PANK3: variants seen among roughly 807,000 people sequenced by gnomAD.
The protein encoded by PANK3 is pantothenate kinase 3.
PANK3 carries 20 observed loss-of-function variants against 39.4 expected under a neutral mutation model. The ratio of observed to expected loss-of-function variants is 0.51; its 90% CI spans 0.36 to 0.74. PANK3 has a LOEUF of 0.74. Among genes scored for constraint, PANK3 ranks in the 30% least tolerant of loss-of-function variants. PANK3 has a pLI of 0.00. For synonymous variants in PANK3, 140 were observed against 157.3 expected (o/e 0.89, Z 0.82); for missense variants, 265 against 437.0 (o/e 0.61, Z 3.51).
intron 1 of PANK3, among the ~76,000 whole-genome samples, chr5:168,577,001 C>T (rs1043516708): frequency 1.3e-5 from 2 of 151,968 alleles, no homozygotes; most frequent in African/African-American, 4.8e-5. Context: ...TGCCTCAAGC[C>T]TCCCGAACAG....
intron 2 of PANK3, 119 bp downstream of exon 2, chr5:168,568,527 C>T: frequency 6.3e-6 from 5 of 793,640 alleles, no homozygotes; most frequent in Non-Finnish European, 9.9e-6. Context: ...TGAAAGGCAA[C>T]CATGGATACA....
At chr5:168,574,869 A>G (rs184521406) in intron 1 of PANK3, among the ~76,000 whole-genome samples, 42 of 152,218 alleles carry the variant, frequency 2.8e-4, no homozygotes, top group Admixed American at 1.8e-3. Flanking sequence ...CTCAAAAAAA[A>G]AGAGAAAAAT....
rs1295924298 is a variant in PANK3 at position 168,555,062 on chromosome 5, T to C, written c.*2509A>G. ...AAATCATAATGAAGGCTGCCAAAGATTATAATTTTTTATTAAGATCTCGAG... is the reference window on the plus strand; with the variant it reads ...AAATCATAATGAAGGCTGCCAAAGACTATAATTTTTTATTAAGATCTCGAG... On this transcript the variant is annotated 3_prime_UTR_variant, in exon 7 of 7. Coordinates refer to ENST00000239231, the MANE Select transcript of PANK3 (RefSeq NM_024594.4). 2 of 152,234 alleles carry C rather than the reference T, an allele frequency of 1.3e-5. No homozygotes were observed. Among genetic ancestry groups the C allele is most frequent in the Non-Finnish European group, 2.9e-5 (2 of 68,044 alleles). The allele number at this position is 152,234 out of a possible 1,614,324, so 9.4% of individuals were successfully genotyped here.
Position 168,558,970 on chromosome 5 carries a change from C to T in PANK3, c.1062+62G>A, listed in dbSNP as rs1407254364. ...CTAAACTCAAGCCTGAGTGACAGAG[C>T]AAGACCCTGTCTCTTAAAAAACATG... is the stretch of plus-strand genomic sequence containing the variant. On this transcript the variant is annotated intron_variant, in intron 6 of 6. Coordinates refer to ENST00000239231, the MANE Select transcript of PANK3 (RefSeq NM_024594.4). The T allele has an allele frequency of 3.3e-6, 5 of 1,519,794 alleles. No individual in the cohort carries two copies. The South Asian group carries it at 3.6e-5, about 11-fold the overall frequency. 94.1% of individuals were successfully genotyped at this position (1,519,794 alleles called of 1,614,324 possible).
At chr5:168,563,062 C>A (rs975292977) in intron 4 of PANK3, among the ~76,000 whole-genome samples, 1 of 151,798 alleles carries the variant, frequency 6.6e-6, no homozygotes, top group Non-Finnish European at 1.5e-5. Flanking sequence ...CTGTAACTCA[C>A]AAAATACCCT....
At chr5:168,577,042 G>C (rs1264756939) in intron 1 of PANK3, among the ~76,000 whole-genome samples, 1 of 151,748 alleles carries the variant, frequency 6.6e-6, no homozygotes, top group Non-Finnish European at 1.5e-5. Flanking sequence ...CACCATGCTC[G>C]GCTAATTTTC....
At chr5:168,572,908 A>G (rs1759664386) in intron 1 of PANK3, among the ~76,000 whole-genome samples, 1 of 152,120 alleles carries the variant, frequency 6.6e-6, no homozygotes, top group African/African-American at 2.4e-5. Context: ...TGTGGGAGAG[A>G]TTCAACTGAA....
chr5:168,570,256 G>A (rs1338255089), intron 1 of PANK3, among the ~76,000 whole-genome samples: 5 of 151,766 alleles, frequency 3.3e-5, no homozygotes, highest in African/African-American at 7.3e-5. Flanking sequence ...GTGGTGGCAG[G>A]CGCCTGTAGT....
chr5:168,568,093 C>T (rs1759564447), intron 2 of PANK3, among the ~76,000 whole-genome samples: 1 of 152,078 alleles, frequency 6.6e-6, no homozygotes, highest in African/African-American at 2.4e-5. Flanking sequence ...CAAACCAATA[C>T]TCATAGTTCT....
At chr5:168,564,223 G>A (rs1213659544) in intron 3 of PANK3, among the ~76,000 whole-genome samples, 158 bp from the exon 4 acceptor site, 1 of 152,070 alleles carries the variant, frequency 6.6e-6, no homozygotes, top group East Asian at 1.9e-4. Flanking sequence ...AACAAAAATT[G>A]TTTAGTAAAA....
At chr5:168,578,450 C>T (rs1252637989) in intron 1 of PANK3, among the ~76,000 whole-genome samples, 1 of 152,204 alleles carries the variant, frequency 6.6e-6, no homozygotes, top group South Asian at 2.1e-4. Context: ...CGTTCCTAGT[C>T]CTTCTGGGAG....
chr5:168,576,790 CA>C (rs5873115), intron 1 of PANK3, among the ~76,000 whole-genome samples: 113,725 of 151,428 alleles, frequency 0.75, 43,175 homozygotes, highest in African/African-American at 0.85. Flanking sequence ...TTAATTATGC[CA>C]AAAAAAACCC....
rs979542837 is a variant in PANK3, at chr5:168,564,152, A to G, written c.636-87T>C. ...AAAGGGTGGATCATTCATGTATTCA[A>G]TGAACACACAGAAAAAAAACCTATG... is the stretch of plus-strand genomic sequence containing the variant. On this transcript the variant is annotated intron_variant, in intron 3 of 6. Transcript: ENST00000239231. 11 of 1,139,428 alleles carry G rather than the reference A, an allele frequency of 9.7e-6. No homozygotes were observed. In the South Asian group the frequency reaches 2.1e-4, roughly 22 times the overall value. 70.6% of individuals were successfully genotyped at this position (1,139,428 alleles called of 1,614,324 possible).
At chr5:168,565,953 T>A in intron 3 of PANK3, 60 bp downstream of exon 3, 1 of 1,497,872 alleles carries the variant, frequency 6.7e-7, no homozygotes, top group Non-Finnish European at 9.0e-7. Context: ...TTATACTGAT[T>A]TCATAACTTC....
Position 168,553,275 on chromosome 5 carries a change from A to G in PANK3, c.*4296T>C. ...GAGCACTAAAGGTACCCCAAAGGGG[A>G]GTAGGCGAGATCTCTCCAATGTACA... On this transcript the variant is annotated 3_prime_UTR_variant, in exon 7 of 7. Coordinates refer to ENST00000239231, the MANE Select transcript of PANK3 (RefSeq NM_024594.4). The G allele has an allele frequency of 1.9e-6, 1 of 529,402 alleles. No homozygotes were observed. Among genetic ancestry groups the G allele is most frequent in the Non-Finnish European group, 3.8e-6 (1 of 264,060 alleles). The allele number at this position is 529,402 out of a possible 1,614,324, so 32.8% of individuals were successfully genotyped here.
Position 168,555,576 on chromosome 5 carries a change from C to T in PANK3, c.*1995G>A, listed in dbSNP as rs1272204579. The T allele has an allele frequency of 1.3e-5, 2 of 152,122 alleles. No homozygotes were observed. Among genetic ancestry groups the T allele is most frequent in the Non-Finnish European group, 2.9e-5 (2 of 68,016 alleles). 9.4% of individuals were successfully genotyped at this position (152,122 alleles called of 1,614,324 possible). ...TTTTAATTGTGTATTTTTCTTTAACCCAATATTTCCAATGTTAACATTTCA... is the reference window on the plus strand; with the variant it reads ...TTTTAATTGTGTATTTTTCTTTAACTCAATATTTCCAATGTTAACATTTCA... On this transcript the variant is annotated 3_prime_UTR_variant, in exon 7 of 7. Transcript: ENST00000239231.
Position 168,552,903 on chromosome 5 carries a change from C to T in PANK3, c.*4668G>A. ...TGATTCCAGAGAGCTACTGAGAGAG[C>T]TGGAGCATGATGGAAATGACAGTGG... On this transcript the variant is annotated 3_prime_UTR_variant, in exon 7 of 7. Coordinates refer to ENST00000239231, the MANE Select transcript of PANK3 (RefSeq NM_024594.4). The T allele has an allele frequency of 4.8e-6, 1 of 207,796 alleles. No individual in the cohort carries two copies. Among genetic ancestry groups the T allele is most frequent in the Non-Finnish European group, 1.0e-5 (1 of 99,304 alleles). The allele number at this position is 207,796 out of a possible 1,614,324, so 12.9% of individuals were successfully genotyped here.
At chr5:168,565,835 C>A (rs1287315066) in intron 3 of PANK3, among the ~76,000 whole-genome samples, 178 bp downstream of exon 3, 6 of 128,784 alleles carry the variant, frequency 4.7e-5, no homozygotes, top group African/African-American at 2.9e-5. Context: ...GCAGCCTGGG[C>A]AACATGGCAC....
At position 168,549,053 on chromosome 5, in the gene PANK3, T is replaced by C. The variant is rs981127821; in HGVS notation, c.*8518A>G. The C allele has an allele frequency of 1.3e-5, 2 of 152,232 alleles. No homozygotes were observed. Among genetic ancestry groups the C allele is most frequent in the African/African-American group, 2.4e-5 (1 of 41,464 alleles). 9.4% of individuals were successfully genotyped at this position (152,232 alleles called of 1,614,324 possible). A position where few individuals can be genotyped will look rare whatever the true frequency, so the allele number is the denominator to read the frequency against. ...GTACACTTTGGTCAATAACTGGTCATTAAGATAAACGCCATTCAATTTTAG... is the reference window on the plus strand; with the variant it reads ...GTACACTTTGGTCAATAACTGGTCACTAAGATAAACGCCATTCAATTTTAG... On this transcript the variant is annotated 3_prime_UTR_variant, in exon 7 of 7. Coordinates refer to ENST00000239231, the MANE Select transcript of PANK3 (RefSeq NM_024594.4).
Sources: allele counts gnomAD v4.1 joint callset (sites outside exome capture counted in the v4.1 genomes callset), GRCh38; gene constraint gnomAD v4.1.1; transcripts MANE v1.5; gene names NCBI Gene and HGNC (gene_info 2026-07-23, HGNC 2026-07-21).